MRPS9: variants seen among roughly 807,000 people sequenced by gnomAD.
MRPS9 encodes mitochondrial ribosomal protein S9.
MRPS9 carries 45 observed loss-of-function variants against 59.9 expected under a neutral mutation model. The observed-to-expected ratio is 0.75, with a 90% CI of 0.59 to 0.96. The LOEUF (loss-of-function observed/expected upper bound fraction) is 0.96, where lower values mean the gene tolerates loss of function less well. MRPS9 is among the 40% of genes least tolerant of loss of function. The pLI, the probability that MRPS9 is intolerant of heterozygous loss-of-function variation, is 0.00. For missense variants in MRPS9, 473 were observed against 481.1 expected (o/e 0.98, Z 0.16); for synonymous variants, 171 against 166.8 (o/e 1.03, Z -0.19).
At position 105,092,516 on chromosome 2, in the gene MRPS9, T is replaced by C; in HGVS notation, c.767T>C (p.Leu256Pro). 1.2e-6 allele frequency: 2 copies of C among 1,613,916 alleles called. No homozygotes were observed. The highest frequency in any genetic ancestry group is 1.7e-6 in the Non-Finnish European group (2 of 1,179,924). The change falls in exon 8 of 11, where the codon CTG becomes CCG. Residue 256 changes from leucine to proline, a missense_variant. Physicochemically the swap from Leu to Pro is moderately conservative, Grantham distance 98. Coordinates refer to ENST00000258455, the MANE Select transcript of MRPS9 (RefSeq NM_182640.3). ...GTAACTCTTGAATCAAAAAAACAGC[T>C]GATTGAACCTGTACAGTATGATGAG... is the stretch of plus-strand genomic sequence containing the variant. ...RSVTLESKKQ[L>P]IEPVQYDEQG...
intron 4 of MRPS9, 86 bp downstream of exon 4, chr2:105,071,575 G>A (rs1307635180): frequency 1.6e-5 from 21 of 1,307,912 alleles, no homozygotes; most frequent in African/African-American, 4.4e-5. Flanking sequence ...CTCACATATC[G>A]TAGGGTGGCC....
intron 10 of MRPS9, among the ~76,000 whole-genome samples, chr2:105,098,413 C>A (rs1680717460): frequency 1.3e-5 from 2 of 152,144 alleles, no homozygotes; most frequent in Non-Finnish European, 2.9e-5. Context: ...CGCTGAGGTT[C>A]AATAAAAACA....
chr2:105,072,004 T>TAAAA (rs10716983), intron 4 of MRPS9, among the ~76,000 whole-genome samples: 1 of 149,430 alleles, frequency 6.7e-6, no homozygotes. Flanking sequence ...TTTAAATGTG[T>TAAAA]AAAAAAAAAA....
At chr2:105,092,652 A>G in intron 8 of MRPS9, 83 bp downstream of exon 8, 1 of 1,180,260 alleles carries the variant, frequency 8.5e-7, no homozygotes, top group Non-Finnish European at 1.2e-6. Context: ...GCTTTCTGGT[A>G]TCCATTAGAT....
chr2:105,061,572 A>C (rs1679905080), intron 2 of MRPS9, among the ~76,000 whole-genome samples: 1 of 152,194 alleles, frequency 6.6e-6, no homozygotes, highest in Admixed American at 6.5e-5. Flanking sequence ...TGACACACAG[A>C]ATTTCCAATA....
chr2:105,086,199 T>C (rs1239822320), intron 5 of MRPS9, among the ~76,000 whole-genome samples: 1 of 152,214 alleles, frequency 6.6e-6, no homozygotes, highest in Non-Finnish European at 1.5e-5. Flanking sequence ...TATTTTCCTA[T>C]TTAAAGAAGT....
intron 2 of MRPS9, among the ~76,000 whole-genome samples, chr2:105,069,404 G>A (rs1052775412): frequency 2.0e-5 from 3 of 151,882 alleles, no homozygotes; most frequent in Non-Finnish European, 2.9e-5. Context: ...TAGTAGATAC[G>A]GGGTTTCACC....
rs541389522 is a variant in MRPS9, at chr2:105,058,136, C to T, written c.315+8786C>T. ...AATATTTCATAATTTGTGCTCACTT[C>T]TAATGAACAGAGTCGTTAGGACAGG... On this transcript the variant is annotated intron_variant, in intron 2 of 10. Coordinates refer to ENST00000258455, the MANE Select transcript of MRPS9 (RefSeq NM_182640.3). 4.6e-5 allele frequency among the ~76,000 whole-genome samples: 7 copies of T among 152,290 alleles called. No homozygotes were observed. The South Asian group carries it at 1.0e-3, about 23-fold the overall frequency.
chr2:105,050,137 T>C (rs1242408434), intron 2 of MRPS9, among the ~76,000 whole-genome samples: 1 of 144,356 alleles, frequency 6.9e-6, no homozygotes, highest in East Asian at 2.0e-4. Context: ...TTTTTTTCTT[T>C]TCTTTTCTTT....
At chr2:105,038,766 G>T (rs1679440512) in intron 1 of MRPS9, among the ~76,000 whole-genome samples, 1 of 152,184 alleles carries the variant, frequency 6.6e-6, no homozygotes, top group Admixed American at 6.5e-5. Context: ...GTTTAATCCA[G>T]GGAGAAGTGG....
intron 1 of MRPS9, among the ~76,000 whole-genome samples, chr2:105,048,452 T>C (rs1679647665): frequency 6.6e-6 from 1 of 151,694 alleles, no homozygotes; most frequent in Non-Finnish European, 1.5e-5. Flanking sequence ...TGTATACATA[T>C]GTAACTAACC....
intron 4 of MRPS9, among the ~76,000 whole-genome samples, 160 bp from the exon 5 acceptor site, chr2:105,079,823 A>G (rs1680292175): frequency 6.6e-6 from 1 of 152,218 alleles, no homozygotes; most frequent in South Asian, 2.1e-4. Context: ...ATTTGCATAT[A>G]AATATGCTAA....
intron 7 of MRPS9, chr2:105,091,190 TGG>T (rs34051627): frequency 1.2e-5 from 5 of 431,510 alleles, no homozygotes; most frequent in Non-Finnish European, 2.4e-5. Flanking sequence ...CTTTGTACTT[TGG>T]GGTACTGGAT....
chr2:105,044,488 A>G (rs991780329), intron 1 of MRPS9, among the ~76,000 whole-genome samples: 4 of 152,228 alleles, frequency 2.6e-5, no homozygotes, highest in Non-Finnish European at 5.9e-5. Flanking sequence ...AAATTTCCAG[A>G]ATGCCATACT....
At chr2:105,085,171 A>G (rs1047945199) in intron 5 of MRPS9, among the ~76,000 whole-genome samples, 1 of 152,184 alleles carries the variant, frequency 6.6e-6, no homozygotes, top group African/African-American at 2.4e-5. Flanking sequence ...TTCACAAAGT[A>G]ATAGCAAGAG....
At chr2:105,076,430 C>T (rs1680213590) in intron 4 of MRPS9, among the ~76,000 whole-genome samples, 1 of 152,154 alleles carries the variant, frequency 6.6e-6, no homozygotes, top group South Asian at 2.1e-4. Flanking sequence ...TTTTGGCAGA[C>T]AAGAACTGTT....
rs1426532192 is a variant in MRPS9, at chr2:105,071,301, G to T, written c.316-12G>T. The stretch of plus-strand genomic sequence containing the variant: ...ATAACAGTTGTTAACTAACCTTTGT[G>T]TATATTTTCAGAGAGCTATTGCTTA... On this transcript the variant is annotated splice_polypyrimidine_tract_variant and intron_variant, in intron 2 of 10. Transcript: ENST00000258455. The T allele has an allele frequency of 1.2e-6, 2 of 1,607,620 alleles. No individual in the cohort carries two copies. Among genetic ancestry groups the T allele is most frequent in the Non-Finnish European group, 1.7e-6 (2 of 1,177,204 alleles).
At chr2:105,060,963 T>C (rs1679888474) in intron 2 of MRPS9, among the ~76,000 whole-genome samples, 1 of 151,222 alleles carries the variant, frequency 6.6e-6, no homozygotes, top group Non-Finnish European at 1.5e-5. Flanking sequence ...TACAAAAAAT[T>C]AGCCGGGCAT....
rs182767821 is a variant in MRPS9 at position 105,059,001 on chromosome 2, C to T, written c.315+9651C>T. Among the ~76,000 whole-genome samples the T allele has an allele frequency of 3.2e-4, 48 of 151,236 alleles. No individual in the cohort carries two copies. In the East Asian group the frequency reaches 4.7e-3, roughly 15 times the overall value. ...CAGTTTAATGAGTTTCTAAAGAGTT[C>T]TGTACTTACTAAATATATGCTCCAT... On this transcript the variant is annotated intron_variant, in intron 2 of 10. Coordinates refer to ENST00000258455, the MANE Select transcript of MRPS9 (RefSeq NM_182640.3).
Sources: allele counts gnomAD v4.1 joint callset (sites outside exome capture counted in the v4.1 genomes callset), GRCh38; gene constraint gnomAD v4.1.1; transcripts MANE v1.5; gene names NCBI Gene and HGNC (gene_info 2026-07-23, HGNC 2026-07-21).